Variants in HSP90AA1 observed in about 807,000 individuals in gnomAD.
HSP90AA1 encodes the protein heat shock protein 90 alpha family class A member 1, also known as heat shock protein HSP 90-alpha.
In HSP90AA1, 18 loss-of-function variants were observed where a neutral mutation model predicts 73.3. That is an observed-to-expected ratio of 0.25 (90% CI 0.17 to 0.36). The LOEUF (loss-of-function observed/expected upper bound fraction) is 0.36, where lower values mean the gene tolerates loss of function less well. Ranked by LOEUF, HSP90AA1 falls within the 10% of genes least tolerant of loss-of-function variation. HSP90AA1 has a pLI of 1.00. For missense variants in HSP90AA1, 704 were observed against 874.2 expected (o/e 0.81, Z 2.45); for synonymous variants, 477 against 296.9 (o/e 1.61, Z -6.24).
chr14:102,137,677 A>T (rs1454883106), intron 1 of HSP90AA1, among the ~76,000 whole-genome samples: 1 of 152,026 alleles, frequency 6.6e-6, no homozygotes, highest in Non-Finnish European at 1.5e-5. Context: ...TTGAATATGG[A>T]GGAAAAGTTA....
chr14:102,091,154 A>G (rs1365312548), upstream of HSP90AA1, among the ~76,000 whole-genome samples: 4 of 152,184 alleles, frequency 2.6e-5, no homozygotes, highest in Non-Finnish European at 5.9e-5. Context: ...CAGGCTAGCT[A>G]CTTTGCATGC....
chr14:102,084,233 A>T, intron 6 of HSP90AA1, 166 bp downstream of exon 6: 1 of 705,460 alleles, frequency 1.4e-6, no homozygotes, highest in Non-Finnish European at 2.4e-6. Context: ...TTTAGTAGAG[A>T]TGGGGTTTCA....
At chr14:102,085,221 T>C (rs2049196919) in intron 4 of HSP90AA1, 77 bp downstream of exon 4, 2 of 1,504,442 alleles carry the variant, frequency 1.3e-6, no homozygotes, top group Non-Finnish European at 1.8e-6. Context: ...TGAACAGATC[T>C]AGGGACTAAG....
Position 102,093,369 on chromosome 14 carries a change from C to T in HSP90AA1, c.367-6991G>A, listed in dbSNP as rs188855478. Among the ~76,000 whole-genome samples, 98 of 150,570 alleles carry T rather than the reference C, an allele frequency of 6.5e-4. 1 individual carries two copies. Among genetic ancestry groups the T allele is most frequent in the African/African-American group, 2.3e-3 (94 of 41,058 alleles). On this transcript the variant is annotated intron_variant, in intron 2 of 11. Transcript: ENST00000334701. Reference sequence around the variant, plus strand: ...ACTAAAAATACAAAAATTAGCTGGGCGTGGTGGCATATGCCTGTAATCCCA... The same window carrying T: ...ACTAAAAATACAAAAATTAGCTGGGTGTGGTGGCATATGCCTGTAATCCCA...
Position 102,086,207 on chromosome 14 carries a change from A to C in HSP90AA1, c.162+10T>G. On this transcript the variant is annotated intron_variant, in intron 2 of 10. Transcript: ENST00000216281. ...ACCAAAATCCGATTCTGGGTTAATA[A>C]GTGACTTACATCTGATGAATTTGAA... 6.2e-7 allele frequency: 1 copy of C among 1,614,196 alleles called. No individual in the cohort carries two copies. Among genetic ancestry groups the C allele is most frequent in the East Asian group, 2.2e-5 (1 of 44,882 alleles).
At chr14:102,098,923 C>A (rs1359284121) in intron 2 of HSP90AA1, among the ~76,000 whole-genome samples, 1 of 152,184 alleles carries the variant, frequency 6.6e-6, no homozygotes, top group African/African-American at 2.4e-5. Flanking sequence ...AACTCTTTCA[C>A]TAGAGGACAG....
At position 102,122,351 on chromosome 14, in the gene HSP90AA1, G is replaced by A. The variant is rs1489132818; in HGVS notation, c.155+16899C>T. ...GCTGGAGTGCAGTGGTGTGATCTTGGCTCAGTGCAAGCTCCACCTCCCAGG... is the reference window on the plus strand; with the variant it reads ...GCTGGAGTGCAGTGGTGTGATCTTGACTCAGTGCAAGCTCCACCTCCCAGG... On this transcript the variant is annotated intron_variant, in intron 1 of 11. Transcript: ENST00000334701. 2.0e-5 allele frequency among the ~76,000 whole-genome samples: 3 copies of A among 149,240 alleles called. No homozygotes were observed. The East Asian group carries it at 5.9e-4, about 29-fold the overall frequency.
At chr14:102,092,155 G>A (rs1164514268) in intron 2 of HSP90AA1, among the ~76,000 whole-genome samples, 1 of 150,996 alleles carries the variant, frequency 6.6e-6, no homozygotes, top group Non-Finnish European at 1.5e-5. Flanking sequence ...TGCAACCTCC[G>A]CCTCCTGGGT....
Position 102,114,750 on chromosome 14 carries a change from G to A in HSP90AA1, c.156-12665C>T, listed in dbSNP as rs553055747. On this transcript the variant is annotated intron_variant, in intron 1 of 11. Coordinates refer to the HSP90AA1 transcript ENST00000334701. ...GGACCCGGTTGCTGACTGTAATCCC[G>A]GCACTTTGGGAGGCTGAGGCGGGCA... Among the ~76,000 whole-genome samples, 153 of 152,062 alleles carry A rather than the reference G, an allele frequency of 1.0e-3. 1 individual carries two copies. The highest frequency in any genetic ancestry group is 3.6e-3 in the African/African-American group (151 of 41,480).
intron 1 of HSP90AA1, among the ~76,000 whole-genome samples, chr14:102,131,518 A>G (rs981862236): frequency 2.0e-5 from 3 of 151,894 alleles, no homozygotes; most frequent in African/African-American, 7.3e-5. Context: ...TTCCCTGCTC[A>G]CTCTGCTCCA....
chr14:102,087,935 TTTTTTTTTTTTTTTTC>T (rs1368486041), upstream of HSP90AA1, among the ~76,000 whole-genome samples: 60 of 122,656 alleles, frequency 4.9e-4, no homozygotes, highest in Middle Eastern at 7.8e-3. Context: ...TAAAAGGTTT[TTTTTTTTTTTTTTTTC>T]TTTTTTTTTT....
Position 102,101,583 on chromosome 14 carries a change from T to C in HSP90AA1, c.366+292A>G, listed in dbSNP as rs370214614. On this transcript the variant is annotated intron_variant, in intron 2 of 11. Coordinates refer to the HSP90AA1 transcript ENST00000334701. ...TCTTCTGGGAGCCCAAGGGATTGGA[T>C]TGTCTTTCTCTTTTCTCCCACAGCA... Among the ~76,000 whole-genome samples, 7 of 152,340 alleles carry C rather than the reference T, an allele frequency of 4.6e-5. No homozygotes were observed. In the East Asian group the frequency reaches 1.2e-3, roughly 25 times the overall value.
intron 2 of HSP90AA1, among the ~76,000 whole-genome samples, chr14:102,094,959 G>T (rs945405195): frequency 6.6e-6 from 1 of 152,144 alleles, no homozygotes; most frequent in African/African-American, 2.4e-5. Flanking sequence ...AGTTAACAGG[G>T]TGAAGCACAG....
At chr14:102,082,654 T>A (rs909824423) in intron 9 of HSP90AA1, 12 of 583,498 alleles carry the variant, frequency 2.1e-5, no homozygotes, top group South Asian at 1.4e-4. Context: ...AGAGTCTCGC[T>A]CCATCACCCA....
intron 1 of HSP90AA1, among the ~76,000 whole-genome samples, chr14:102,132,406 G>T (rs1283410703): frequency 6.6e-6 from 1 of 152,062 alleles, no homozygotes; most frequent in Non-Finnish European, 1.5e-5. Flanking sequence ...ACTTAGCTGG[G>T]CATGGTGGTA....
chr14:102,137,867 T>G (rs554883649), intron 1 of HSP90AA1, among the ~76,000 whole-genome samples: 30 of 151,808 alleles, frequency 2.0e-4, no homozygotes, highest in African/African-American at 7.2e-4. Flanking sequence ...ATACAAAAAT[T>G]AGCTGGGCGT....
exon 2 of HSP90AA1, chr14:102,102,041 A>G (rs375034320): frequency 9.9e-6 from 16 of 1,613,998 alleles, no homozygotes; most frequent in Non-Finnish European, 1.4e-5. Flanking sequence ...CAGATGCCAG[A>G]GAAACACTTG....
intron 1 of HSP90AA1, among the ~76,000 whole-genome samples, chr14:102,127,100 T>C (rs1024805258): frequency 1.3e-5 from 2 of 151,938 alleles, no homozygotes; most frequent in African/African-American, 4.8e-5. Flanking sequence ...TATAATTATA[T>C]ATAAGTAACA....
At chr14:102,133,305 TA>T (rs990816458) in intron 1 of HSP90AA1, among the ~76,000 whole-genome samples, 4 of 151,754 alleles carry the variant, frequency 2.6e-5, no homozygotes, top group African/African-American at 9.7e-5. Context: ...CAATAGAAGA[TA>T]ATTAACACAT....
Sources: gnomAD v4.1 joint callset for allele counts (sites outside exome capture counted in the v4.1 genomes callset) on GRCh38, gnomAD v4.1.1 for gene constraint, MANE v1.5 for transcripts, NCBI Gene and HGNC (gene_info 2026-07-23, HGNC 2026-07-21) for gene names.